The following DOCK10 variants were observed in gnomAD, a reference collection of about 807,000 sequenced individuals.
The protein encoded by DOCK10 is dedicator of cytokinesis protein 10.
A neutral mutation model predicts 280.1 loss-of-function variants in DOCK10; 145 were observed. The ratio of observed to expected loss-of-function variants is 0.52; its 90% CI spans 0.45 to 0.59. DOCK10 has a LOEUF of 0.59. Ranked by LOEUF, DOCK10 falls within the 20% of genes least tolerant of loss-of-function variation. The probability of loss-of-function intolerance (pLI) is 0.00; values close to 1 mark genes in which losing one functional copy is unlikely to be tolerated. For synonymous variants in DOCK10, 915 were observed against 942.2 expected, an observed-to-expected ratio of 0.97 and a Z score of 0.53; for missense variants, 2,368 against 2,651.7, an observed-to-expected ratio of 0.89 and a Z score of 2.35.
intron 1 of DOCK10, among the ~76,000 whole-genome samples, chr2:224,976,255 G>C (rs1209867700): frequency 6.6e-6 from 1 of 152,044 alleles, no homozygotes; most frequent in African/African-American, 2.4e-5. Context: ...GAAAGGGGAG[G>C]GAGAGCATTA....
chr2:224,783,387 G>C (rs947384610), intron 50 of DOCK10, among the ~76,000 whole-genome samples: 2 of 151,268 alleles, frequency 1.3e-5, no homozygotes, highest in African/African-American at 4.9e-5. Context: ...CCATTCTCCT[G>C]CTTCAGCCTC....
At chr2:224,891,897 C>T (rs1699678182) in intron 4 of DOCK10, among the ~76,000 whole-genome samples, 1 of 152,154 alleles carries the variant, frequency 6.6e-6, no homozygotes. Context: ...TTATTGAGAA[C>T]TGTCTTAATT....
chr2:224,919,444 CAT>C (rs1701562778), intron 2 of DOCK10, among the ~76,000 whole-genome samples: 1 of 146,372 alleles, frequency 6.8e-6, no homozygotes. Context: ...GGTCTGTACA[CAT>C]GTGAATGGGT....
At chr2:224,877,768 T>G in intron 7 of DOCK10, among the ~76,000 whole-genome samples, 1 of 152,210 alleles carries the variant, frequency 6.6e-6, no homozygotes, top group Non-Finnish European at 1.5e-5. Context: ...GTTACAATTT[T>G]ATATATTCCT....
chr2:224,839,545 G>C (rs1332543606), intron 24 of DOCK10, among the ~76,000 whole-genome samples: 1 of 152,180 alleles, frequency 6.6e-6, no homozygotes, highest in Admixed American at 6.5e-5. Context: ...ACTACTGATA[G>C]ATGCAATGAT....
At chr2:224,832,529 TCTA>T (rs1166917729) in intron 26 of DOCK10, among the ~76,000 whole-genome samples, 1 of 152,230 alleles carries the variant, frequency 6.6e-6, no homozygotes, top group Non-Finnish European at 1.5e-5. Context: ...GGATTGATAT[TCTA>T]CAAAGGCAGC....
chr2:225,015,602 T>A (rs1449021996), intron 1 of DOCK10, among the ~76,000 whole-genome samples: 1 of 152,142 alleles, frequency 6.6e-6, no homozygotes, highest in Non-Finnish European at 1.5e-5. Flanking sequence ...AGCAGGCAGC[T>A]CGGCCATGGC....
At position 224,819,452 on chromosome 2, in the gene DOCK10, G is replaced by A; in HGVS notation, c.3261C>T (p.Asp1087=). Residue 1087 remains aspartate, a synonymous_variant, in exon 29 of 56, where the codon GAC becomes GAT. Coordinates refer to ENST00000258390, the MANE Select transcript of DOCK10 (RefSeq NM_014689.3). ...TCCTGTACGTGGTTCTTACCTTAAG[G>A]TCACCGGAGGAGAACATGCTGATGT... ...NNYISMFSSG[D]LKTLCQYKFD... is the part of the protein sequence containing the mutation. 6.2e-7 allele frequency: 1 copy of A among 1,603,896 alleles called. No homozygotes were observed. The highest frequency in any genetic ancestry group is 8.5e-7 in the Non-Finnish European group (1 of 1,174,090).
intron 4 of DOCK10, among the ~76,000 whole-genome samples, chr2:224,895,841 G>A (rs2396152): frequency 0.11 from 15,281 of 135,848 alleles, 1,029 homozygotes; most frequent in Middle Eastern, 0.18. Flanking sequence ...GCGTGTGTGT[G>A]TATATATATA....
At chr2:224,990,821 C>T (rs1706107606) in intron 1 of DOCK10, among the ~76,000 whole-genome samples, 2 of 152,296 alleles carry the variant, frequency 1.3e-5, no homozygotes, top group Middle Eastern at 3.4e-3. Context: ...ACCCTAAGGT[C>T]ACTACTTTTG....
chr2:224,896,303 C>A lies in DOCK10; in HGVS notation c.408G>T (p.Gln136His). The A allele has an allele frequency of 6.3e-7, 1 of 1,593,288 alleles. No homozygotes were observed. The highest frequency in any genetic ancestry group is 8.6e-7 in the Non-Finnish European group (1 of 1,164,580). Residue 136 changes from glutamine to histidine, a missense_variant, in exon 4 of 56, where the codon CAG (glutamine) becomes CAT (histidine). Gln to His is a conservative substitution (Grantham distance 24). Coordinates refer to ENST00000258390, the MANE Select transcript of DOCK10 (RefSeq NM_014689.3). The part of the protein sequence containing the change: ...KYEQYSGDIR[Q>H]LPRAEYKPEK... ...TCATAACAGGTTCTTACCGGGGTAG[C>A]TGTCGAATGTCTCCAGAATATTGTT...
intron 1 of DOCK10, among the ~76,000 whole-genome samples, chr2:225,023,334 C>A (rs1221309714): frequency 2.6e-5 from 4 of 152,130 alleles, no homozygotes. Context: ...CTGCGCCCAG[C>A]CCAAAACAAC....
At chr2:225,002,987 G>A (rs1442594828) in intron 1 of DOCK10, among the ~76,000 whole-genome samples, 1 of 152,204 alleles carries the variant, frequency 6.6e-6, no homozygotes, top group African/African-American at 2.4e-5. Context: ...TAAATTCTGA[G>A]AGTGACAAAT....
rs758230376 is a variant in DOCK10 at position 224,844,735 on chromosome 2, T to C, written c.2568+18A>G. Reference sequence around the variant, plus strand: ...GTGAGTTAGAGAAGATGCTAGTATTTCAGGTCAACATACTCACCTGAGTAT... The same window carrying C: ...GTGAGTTAGAGAAGATGCTAGTATTCCAGGTCAACATACTCACCTGAGTAT... On this transcript the variant is annotated intron_variant, in intron 22 of 55. Transcript: ENST00000258390. 2.0e-6 allele frequency: 3 copies of C among 1,513,634 alleles called. No individual in the cohort carries two copies. The highest frequency in any genetic ancestry group is 4.7e-5 in the East Asian group (2 of 43,008). 93.8% of individuals were successfully genotyped at this position (1,513,634 alleles called of 1,614,324 possible).
chr2:224,778,281 A>G lies in DOCK10; in HGVS notation c.5659T>C (p.Phe1887Leu), dbSNP rs1349686977. The change falls in exon 51 of 56, where the codon TTT (phenylalanine) becomes CTT (leucine). Residue 1887 changes from phenylalanine to leucine, a missense_variant. This residue lies in a region of DOCK10 where 1,159 missense variants were observed against 1,400.8 expected (regional missense o/e 0.83). Coordinates refer to ENST00000258390, the MANE Select transcript of DOCK10 (RefSeq NM_014689.3). ...TCTTTACCTTCTTCTTCTTCAAAAA[A>G]GCCCTATGGAACATAATGAACCACC... ...YYRVAFYGQG[F>L]FEEEEGKEYI... 6.2e-7 allele frequency: 1 copy of G among 1,600,588 alleles called. No individual in the cohort carries two copies.
At chr2:224,817,057 C>T (rs1559479168) in intron 29 of DOCK10, among the ~76,000 whole-genome samples, 1 of 152,182 alleles carries the variant, frequency 6.6e-6, no homozygotes, top group Non-Finnish European at 1.5e-5. Context: ...GTAACACATG[C>T]ACAGAATTCT....
chr2:224,768,356 G>A (rs929699418), intron 55 of DOCK10, among the ~76,000 whole-genome samples: 1 of 152,212 alleles, frequency 6.6e-6, no homozygotes, highest in African/African-American at 2.4e-5. Context: ...AATCCCCATT[G>A]AAGTTCAGAA....
In DOCK10 at chr2:224,775,013, C is replaced by T. The variant is rs1461824642; in HGVS notation, c.5905G>A (p.Glu1969Lys). The change falls in exon 52 of 56, where the codon GAA becomes AAA. Residue 1969 changes from glutamate (E) to lysine (K), a missense_variant. Glu to Lys is a moderately conservative substitution (Grantham distance 56). Around this residue, in one of 2 missense-constraint regions of DOCK10, gnomAD observed 1,159 missense variants for 1,400.8 expected, o/e 0.83. Transcript: ENST00000258390. ...AAGCGGTTGATGTTGTGGTGCATTT[C>T]GAAATCTGTCTTCCGGTCTTCGATT... ...KEIEDRKTDF[E>K]MHHNINRFVF... is the part of the protein sequence containing the mutation. 12 of 1,613,866 alleles carry T rather than the reference C, an allele frequency of 7.4e-6. No homozygotes were observed. The highest frequency in any genetic ancestry group is 2.2e-5 in the East Asian group (1 of 44,860).
chr2:224,934,108 C>T (rs1305349046), intron 1 of DOCK10, among the ~76,000 whole-genome samples: 1 of 151,998 alleles, frequency 6.6e-6, no homozygotes, highest in Non-Finnish European at 1.5e-5. Context: ...GGTAGTTCGC[C>T]GTGATCGTAT....
Sources: gnomAD v4.1 joint callset for allele counts (sites outside exome capture counted in the v4.1 genomes callset) on GRCh38, gnomAD v4.1.1 for gene constraint, gnomAD v4.1.1 regional missense constraint, MANE v1.5 for transcripts, NCBI Gene and HGNC (gene_info 2026-07-23, HGNC 2026-07-21) for gene names.